The following EML4 variants were observed in gnomAD, a reference collection of about 807,000 sequenced individuals.
The protein encoded by EML4 is EMAP like 4, also known as echinoderm microtubule-associated protein-like 4.
In EML4, 72 loss-of-function variants were observed where a neutral mutation model predicts 129.0. The ratio of observed to expected loss-of-function variants is 0.56; its 90% CI spans 0.46 to 0.68. The LOEUF is 0.68. Ranked by LOEUF, EML4 falls within the 30% of genes least tolerant of loss-of-function variation. The pLI is 0.00. For synonymous variants in EML4, 532 were observed against 405.0 expected, an observed-to-expected ratio of 1.31 and a Z score of -3.77; for missense variants, 1,363 against 1,190.6, an observed-to-expected ratio of 1.14 and a Z score of -2.13.
rs2103857980 is a variant in EML4 at position 42,331,781 on chromosome 2, C to G, written c.*1574C>G. ...AGGACATTTACAACATTTATATTCACACGCTGTATGGAAGGGTGTGGGTGT... is the reference window on the plus strand; with the variant it reads ...AGGACATTTACAACATTTATATTCAGACGCTGTATGGAAGGGTGTGGGTGT... On this transcript the variant is annotated 3_prime_UTR_variant, in exon 23 of 23. Coordinates refer to ENST00000318522, the MANE Select transcript of EML4 (RefSeq NM_019063.5). The G allele has an allele frequency of 4.5e-6, 1 of 221,980 alleles. No homozygotes were observed. Among genetic ancestry groups the G allele is most frequent in the African/African-American group, 2.2e-5 (1 of 44,844 alleles). The allele number at this position is 221,980 out of a possible 1,614,324, so 13.8% of individuals were successfully genotyped here. A position where few individuals can be genotyped will look rare whatever the true frequency, so the allele number is the denominator to read the frequency against.
Position 42,169,383 on chromosome 2 carries a change from G to T in EML4, c.-229G>T. On this transcript the variant is annotated 5_prime_UTR_variant, in exon 1 of 23. In the 5' UTR this introduces an upstream ATG that the reference lacks. Coordinates refer to ENST00000318522, the MANE Select transcript of EML4 (RefSeq NM_019063.5). ...GCTCGCGGCTGCTGCCTGGGAGGGA[G>T]GCCGGGCAGGCGGCTGAGCGGCGCG... 3.3e-6 allele frequency: 1 copy of T among 304,536 alleles called. No homozygotes were observed. The highest frequency in any genetic ancestry group is 6.0e-6 in the Non-Finnish European group (1 of 165,308). 18.9% of individuals were successfully genotyped at this position (304,536 alleles called of 1,614,324 possible). A position where few individuals can be genotyped will look rare whatever the true frequency, so the allele number is the denominator to read the frequency against.
chr2:42,254,331 C>T (rs958403805), intron 2 of EML4, among the ~76,000 whole-genome samples: 3 of 151,856 alleles, frequency 2.0e-5, no homozygotes, highest in South Asian at 2.1e-4. Context: ...GTGGTGTGCA[C>T]CTGTAGTCAC....
chr2:42,176,177 C>T (rs1670591151), intron 1 of EML4, among the ~76,000 whole-genome samples: 2 of 152,172 alleles, frequency 1.3e-5, no homozygotes, highest in African/African-American at 2.4e-5. Flanking sequence ...ATTTCAGAAT[C>T]ATGTTTTGAT....
At chr2:42,176,659 G>A (rs963297167) in intron 1 of EML4, among the ~76,000 whole-genome samples, 5 of 151,976 alleles carry the variant, frequency 3.3e-5, no homozygotes, top group African/African-American at 7.3e-5. Context: ...GTATTCTTCC[G>A]TGAACACTTG....
intron 11 of EML4, among the ~76,000 whole-genome samples, chr2:42,291,447 C>A (rs1230669354): frequency 7.3e-6 from 1 of 137,334 alleles, no homozygotes; most frequent in Non-Finnish European, 1.5e-5. Flanking sequence ...GTCACCCATG[C>A]TGGAGTGCAG....
intron 1 of EML4, among the ~76,000 whole-genome samples, chr2:42,203,233 A>G (rs1195505091): frequency 6.6e-6 from 1 of 152,226 alleles, no homozygotes; most frequent in Admixed American, 6.5e-5. Flanking sequence ...TACCAGTTAA[A>G]AGAAAACTTA....
rs780546272 is a variant in EML4 at position 42,169,567 on chromosome 2, A to T, written c.-45A>T. 9 of 1,587,112 alleles carry T rather than the reference A, an allele frequency of 5.7e-6. No homozygotes were observed. The highest frequency in any genetic ancestry group is 7.7e-6 in the Non-Finnish European group (9 of 1,170,624). ...GCCACTCTGTCGGTCCGCTGAATGA[A>T]GTGCCCGCCCCTCTAAGCCCGGAGC... On this transcript the variant is annotated 5_prime_UTR_variant, in exon 1 of 23. In the 5' UTR this introduces an upstream ATG that the reference lacks. Coordinates refer to ENST00000318522, the MANE Select transcript of EML4 (RefSeq NM_019063.5).
rs115776550 is a variant in EML4 at position 42,245,094 on chromosome 2, C to T, written c.26-411C>T. ...AGTTTTTTGTTTTGAAATTTTCTTTCTTTTTTTTTTTTTTTTTTGAGACAG... is the reference window on the plus strand; with the variant it reads ...AGTTTTTTGTTTTGAAATTTTCTTTTTTTTTTTTTTTTTTTTTTGAGACAG... On this transcript the variant is annotated intron_variant, in intron 1 of 22. Transcript: ENST00000318522. 7.7e-3 allele frequency among the ~76,000 whole-genome samples: 511 copies of T among 66,484 alleles called. 24 individuals are homozygous for T. Among genetic ancestry groups the T allele is most frequent in the African/African-American group, 0.025 (386 of 15,496 alleles). 43.6% of individuals were successfully genotyped at this position (66,484 alleles called of 152,430 possible). A position where few individuals can be genotyped will look rare whatever the true frequency, so the allele number is the denominator to read the frequency against.
intron 2 of EML4, among the ~76,000 whole-genome samples, chr2:42,250,453 G>T (rs981829895): frequency 6.6e-6 from 1 of 152,136 alleles, no homozygotes; most frequent in Non-Finnish European, 1.5e-5. Flanking sequence ...AATTGCCTTG[G>T]TGGGACCCTT....
At chr2:42,314,676 T>C (rs1324630217) in intron 17 of EML4, among the ~76,000 whole-genome samples, 1 of 152,234 alleles carries the variant, frequency 6.6e-6, no homozygotes, top group East Asian at 1.9e-4. Context: ...ACTTATTCAT[T>C]CTGCAGATAT....
chr2:42,293,501 G>C lies in EML4; in HGVS notation c.1219-1624G>C, dbSNP rs942722172. Among the ~76,000 whole-genome samples the C allele has an allele frequency of 7.1e-4, 108 of 152,156 alleles. 3 individuals are homozygous for C. The highest frequency in any genetic ancestry group is 6.7e-3 in the Admixed American group (103 of 15,280). ...AAATGTAAAACTCATGGAAATATTG[G>C]AACTGTGAGGGAAAAAAAAGAATTT... On this transcript the variant is annotated intron_variant, in intron 11 of 22. Transcript: ENST00000318522.
chr2:42,175,483 A>T (rs1354610912), intron 1 of EML4, among the ~76,000 whole-genome samples: 1 of 151,170 alleles, frequency 6.6e-6, no homozygotes, highest in East Asian at 1.9e-4. Context: ...GAGTGTTTGT[A>T]TCTATATTAT....
chr2:42,267,989 A>G (rs1351286540), intron 6 of EML4, among the ~76,000 whole-genome samples: 1 of 152,164 alleles, frequency 6.6e-6, no homozygotes, highest in Non-Finnish European at 1.5e-5. Context: ...TTTCCAAGCT[A>G]AGTTGGGGGA....
At chr2:42,177,012 C>G (rs1670645830) in intron 1 of EML4, among the ~76,000 whole-genome samples, 1 of 152,080 alleles carries the variant, frequency 6.6e-6, no homozygotes, top group South Asian at 2.1e-4. Context: ...AGGCCTGTCT[C>G]AAACTCCTGA....
intron 1 of EML4, among the ~76,000 whole-genome samples, chr2:42,222,906 C>G (rs7578754): frequency 0.013 from 1,921 of 152,190 alleles, 43 homozygotes; most frequent in African/African-American, 0.044. Flanking sequence ...TCACGCCATT[C>G]TCCTGCCTCA....
chr2:42,194,219 C>A (rs1030872691), intron 1 of EML4, among the ~76,000 whole-genome samples: 9 of 151,856 alleles, frequency 5.9e-5, no homozygotes, highest in African/African-American at 2.2e-4. Flanking sequence ...GAAATCAAGT[C>A]CTTTTAAATA....
intron 3 of EML4, among the ~76,000 whole-genome samples, chr2:42,259,099 T>C (rs560858454): frequency 3.4e-4 from 51 of 152,076 alleles, no homozygotes; most frequent in African/African-American, 1.1e-3. Flanking sequence ...ATGTAAAAAT[T>C]AGCTGGGTGT....
intron 11 of EML4, 110 bp from the exon 12 acceptor site, chr2:42,295,015 A>G: frequency 2.0e-6 from 2 of 999,820 alleles, no homozygotes; most frequent in Non-Finnish European, 2.8e-6. Context: ...AAGAAGAGGC[A>G]TTTTCTCAAA....
At chr2:42,223,131 C>T (rs1262719900) in intron 1 of EML4, among the ~76,000 whole-genome samples, 2 of 152,050 alleles carry the variant, frequency 1.3e-5, no homozygotes, top group African/African-American at 4.8e-5. Flanking sequence ...AATAGCTGCA[C>T]AGATTCCATA....
Sources: allele counts gnomAD v4.1 joint callset (sites outside exome capture counted in the v4.1 genomes callset), GRCh38; gene constraint gnomAD v4.1.1; transcripts MANE v1.5; gene names NCBI Gene and HGNC (gene_info 2026-07-23, HGNC 2026-07-21).